Variants in CDH18 observed in about 807,000 individuals in gnomAD.
The protein encoded by CDH18 is cadherin-18.
CDH18 carries 31 observed loss-of-function variants against 67.9 expected under a neutral mutation model. The observed-to-expected ratio is 0.46, with a 90% CI of 0.34 to 0.62. CDH18 has a LOEUF of 0.62. Among genes scored for constraint, CDH18 ranks in the 20% least tolerant of loss-of-function variants. The probability of loss-of-function intolerance (pLI) is 0.01; values close to 1 mark genes in which losing one functional copy is unlikely to be tolerated. For missense variants in CDH18, 890 were observed against 975.5 expected (o/e 0.91, Z 1.17); for synonymous variants, 362 against 347.2 (o/e 1.04, Z -0.48).
intron 1 of CDH18, among the ~76,000 whole-genome samples, chr5:20,383,353 T>C (rs188755986): frequency 6.6e-6 from 1 of 152,176 alleles, no homozygotes; most frequent in African/African-American, 2.4e-5. Context: ...TTTGTCACTG[T>C]CCATATGCTG....
chr5:20,068,154 T>A (rs190529397), intron 2 of CDH18, among the ~76,000 whole-genome samples: 27 of 152,212 alleles, frequency 1.8e-4, no homozygotes, highest in Admixed American at 1.5e-3. Context: ...AAAGCTGCCA[T>A]GAAATTAAAG....
chr5:20,145,620 T>A (rs1197705446), intron 2 of CDH18, among the ~76,000 whole-genome samples: 16 of 152,190 alleles, frequency 1.1e-4, no homozygotes. Context: ...ACCAAACAAC[T>A]GGGCACCATA....
At chr5:20,404,539 T>G (rs1385017735) in intron 1 of CDH18, among the ~76,000 whole-genome samples, 1 of 152,036 alleles carries the variant, frequency 6.6e-6, no homozygotes, top group Admixed American at 6.6e-5. Flanking sequence ...GGAGGCCTGA[T>G]GAGAGGGAGA....
At chr5:20,493,968 G>T (rs985156090) in intron 1 of CDH18, among the ~76,000 whole-genome samples, 4 of 151,842 alleles carry the variant, frequency 2.6e-5, no homozygotes, top group Non-Finnish European at 4.4e-5. Flanking sequence ...AACCAGCCTT[G>T]TGCAGTGGCT....
intron 2 of CDH18, among the ~76,000 whole-genome samples, chr5:19,997,355 G>T (rs1736100874): frequency 6.6e-6 from 1 of 151,988 alleles, no homozygotes; most frequent in Non-Finnish European, 1.5e-5. Flanking sequence ...GATATGTTTT[G>T]ATTGACTTTT....
chr5:20,229,846 C>G (rs552655226), intron 2 of CDH18, among the ~76,000 whole-genome samples: 13 of 151,944 alleles, frequency 8.6e-5, no homozygotes, highest in African/African-American at 3.1e-4. Flanking sequence ...GTCCCAGATT[C>G]TGTTTTGAGA....
chr5:20,455,382 CAAATT>C (rs1750767953), intron 1 of CDH18, among the ~76,000 whole-genome samples: 1 of 151,930 alleles, frequency 6.6e-6, no homozygotes, highest in African/African-American at 2.4e-5. Flanking sequence ...GGCAGGGAGA[CAAATT>C]AAAAAGCTAT....
At chr5:20,097,193 C>A (rs1325707032) in intron 2 of CDH18, among the ~76,000 whole-genome samples, 1 of 152,112 alleles carries the variant, frequency 6.6e-6, no homozygotes, top group Non-Finnish European at 1.5e-5. Flanking sequence ...AGACCACTAG[C>A]TCATCCCCAG....
chr5:20,104,685 C>A (rs1156840611), intron 2 of CDH18, among the ~76,000 whole-genome samples: 4 of 152,082 alleles, frequency 2.6e-5, no homozygotes, highest in African/African-American at 9.7e-5. Context: ...ATTCCAAGTG[C>A]TGTTCCAATA....
chr5:20,543,676 C>T (rs543230797), intron 1 of CDH18, among the ~76,000 whole-genome samples: 21 of 152,108 alleles, frequency 1.4e-4, no homozygotes, highest in South Asian at 2.1e-4. Context: ...TTTGTCACTA[C>T]TAAATATGTG....
chr5:19,848,345 T>A (rs1001590291), intron 2 of CDH18: 2 of 152,182 alleles, frequency 1.3e-5, no homozygotes, highest in Non-Finnish European at 2.9e-5. Flanking sequence ...ACAGACCACA[T>A]GATGCTTTAC....
At chr5:20,084,115 C>A (rs903487548) in intron 2 of CDH18, among the ~76,000 whole-genome samples, 1 of 152,142 alleles carries the variant, frequency 6.6e-6, no homozygotes, top group African/African-American at 2.4e-5. Flanking sequence ...GTCCCTTCCA[C>A]CTATGAGCCT....
chr5:19,911,161 A>G (rs753447163), intron 2 of CDH18, among the ~76,000 whole-genome samples: 2 of 152,166 alleles, frequency 1.3e-5, no homozygotes, highest in Non-Finnish European at 2.9e-5. Flanking sequence ...AGTGTGTGTC[A>G]GCCTGACTGT....
intron 1 of CDH18, among the ~76,000 whole-genome samples, chr5:20,426,381 A>G (rs74876878): frequency 0.035 from 5,244 of 151,278 alleles, 297 homozygotes; most frequent in East Asian, 0.25. Flanking sequence ...AAATTATTGC[A>G]GTTTTTACTC....
chr5:19,990,202 A>C (rs1799904221), upstream of CDH18, among the ~76,000 whole-genome samples: 1 of 152,264 alleles, frequency 6.6e-6, no homozygotes, highest in African/African-American at 2.4e-5. Flanking sequence ...AGAAACTTTA[A>C]GTCTGTAAGA....
intron 5 of CDH18, among the ~76,000 whole-genome samples, chr5:19,639,297 G>A (rs1753702362): frequency 6.6e-6 from 1 of 152,076 alleles, no homozygotes; most frequent in African/African-American, 2.4e-5. Flanking sequence ...CACCGCGCCC[G>A]GCCTGATGGC....
At chr5:20,144,348 C>A (rs921933710) in intron 2 of CDH18, among the ~76,000 whole-genome samples, 5 of 152,148 alleles carry the variant, frequency 3.3e-5, no homozygotes, top group African/African-American at 9.7e-5. Context: ...TGGGTTTTAT[C>A]CTGCCTAGTT....
chr5:20,087,687 A>G (rs1008374723), intron 2 of CDH18, among the ~76,000 whole-genome samples: 2 of 152,124 alleles, frequency 1.3e-5, no homozygotes, highest in Middle Eastern at 3.4e-3. Flanking sequence ...GAACAAAAGC[A>G]TGTACGTTTT....
At chr5:20,093,679 G>C (rs1233016235) in intron 2 of CDH18, among the ~76,000 whole-genome samples, 1 of 152,126 alleles carries the variant, frequency 6.6e-6, no homozygotes, top group African/African-American at 2.4e-5. Flanking sequence ...AAGAATCAGA[G>C]AGCTGGCTAG....
Sources: gnomAD v4.1 joint callset for allele counts (sites outside exome capture counted in the v4.1 genomes callset) on GRCh38, gnomAD v4.1.1 for gene constraint, MANE v1.5 for transcripts, NCBI Gene and HGNC (gene_info 2026-07-23, HGNC 2026-07-21) for gene names.